CTNND2: variants seen among roughly 807,000 people sequenced by gnomAD.
The protein encoded by CTNND2 is catenin delta-2.
In CTNND2, 22 loss-of-function variants were observed where a neutral mutation model predicts 144.4. The ratio of observed to expected loss-of-function variants is 0.15; its 90% CI spans 0.11 to 0.22. The LOEUF (loss-of-function observed/expected upper bound fraction) is 0.22. Ranked by LOEUF, CTNND2 falls within the 10% of genes least tolerant of loss-of-function variation. The pLI is 1.00. For missense variants in CTNND2, 1,353 were observed against 1,618.8 expected (o/e 0.84, Z 2.82); for synonymous variants, 751 against 695.6 (o/e 1.08, Z -1.25).
chr5:11,593,819 C>T (rs1297002136), intron 2 of CTNND2, among the ~76,000 whole-genome samples: 6 of 152,202 alleles, frequency 3.9e-5, no homozygotes, highest in South Asian at 4.2e-4. Context: ...TGGACTAATA[C>T]GACAATCAAC....
intron 11 of CTNND2, among the ~76,000 whole-genome samples, chr5:11,187,489 A>T (rs775492736): frequency 2.4e-4 from 36 of 152,176 alleles, no homozygotes; most frequent in Non-Finnish European, 4.4e-4. Context: ...AAAACCCAAA[A>T]CTATAAAAAA....
chr5:11,724,054 CAAAA>C (rs34050641), intron 2 of CTNND2, among the ~76,000 whole-genome samples: 1 of 138,626 alleles, frequency 7.2e-6, no homozygotes, highest in East Asian at 2.1e-4. Context: ...GGCTTCATTT[CAAAA>C]AAAAAAAAAG....
intron 20 of CTNND2, among the ~76,000 whole-genome samples, chr5:10,985,047 C>T (rs1361009228): frequency 3.3e-5 from 5 of 151,762 alleles, no homozygotes; most frequent in African/African-American, 1.2e-4. Flanking sequence ...GCACTCCAGC[C>T]TGGGCGACAC....
chr5:11,588,961 C>T (rs1340581598), intron 2 of CTNND2: 6 of 985,122 alleles, frequency 6.1e-6, no homozygotes, highest in African/African-American at 1.7e-5. Context: ...AGAACAGCCT[C>T]GAAAAAGTCA....
chr5:11,410,217 C>T (rs894694574), intron 5 of CTNND2, among the ~76,000 whole-genome samples: 1 of 152,028 alleles, frequency 6.6e-6, no homozygotes, highest in South Asian at 2.1e-4. Flanking sequence ...TTTTTCAATA[C>T]AAAATACAGA....
chr5:11,287,774 C>T (rs931027535), intron 9 of CTNND2, among the ~76,000 whole-genome samples: 1 of 152,140 alleles, frequency 6.6e-6, no homozygotes, highest in Non-Finnish European at 1.5e-5. Context: ...AGTGAATATG[C>T]CTCCTTTTCT....
intron 14 of CTNND2, among the ~76,000 whole-genome samples, chr5:11,102,835 C>T (rs1752030428): frequency 6.6e-6 from 1 of 151,912 alleles, no homozygotes; most frequent in South Asian, 2.1e-4. Flanking sequence ...AAAAGGTCTG[C>T]TTAGGAAGGA....
In CTNND2 at chr5:11,564,954, T is replaced by TCATGCTGCC. The variant is rs1161798584; in HGVS notation, c.268_276dup (p.Gly90_Met92dup). 1 of 1,613,312 alleles carries TCATGCTGCC rather than the reference T, an allele frequency of 6.2e-7. No individual in the cohort carries two copies. Among genetic ancestry groups the TCATGCTGCC allele is most frequent in the Non-Finnish European group, 8.5e-7 (1 of 1,179,302 alleles). ...GAGCGGCGCTAGTACCTCATGCTGCTCATGCTGCCAGTCTCGGATCCGAGC... is the reference window on the plus strand; with the variant it reads ...GAGCGGCGCTAGTACCTCATGCTGCTCATGCTGCCCATGCTGCCAGTCTCGGATCCGAGC... On this transcript the variant is annotated inframe_insertion, in exon 3 of 22. Coordinates refer to ENST00000304623, the MANE Select transcript of CTNND2 (RefSeq NM_001332.4).
chr5:11,587,624 CAT>C (rs1417234740), intron 2 of CTNND2, among the ~76,000 whole-genome samples: 1 of 152,014 alleles, frequency 6.6e-6, no homozygotes, highest in Non-Finnish European at 1.5e-5. Flanking sequence ...ATTAATCAAA[CAT>C]AAGTTTTATC....
intron 1 of CTNND2, among the ~76,000 whole-genome samples, chr5:11,764,670 C>T (rs537403339): frequency 2.0e-5 from 3 of 152,158 alleles, no homozygotes; most frequent in Non-Finnish European, 4.4e-5. Flanking sequence ...GTGGTTTCTT[C>T]AACTTGTAAC....
At chr5:11,165,602 T>C (rs1759243373) in intron 11 of CTNND2, among the ~76,000 whole-genome samples, 1 of 152,206 alleles carries the variant, frequency 6.6e-6, no homozygotes, top group Admixed American at 6.5e-5. Context: ...TAGCTTTCCT[T>C]TATCAGTGTA....
At chr5:11,399,490 T>C (rs1760445088) in intron 5 of CTNND2, among the ~76,000 whole-genome samples, 2 of 152,234 alleles carry the variant, frequency 1.3e-5, no homozygotes, top group African/African-American at 2.4e-5. Flanking sequence ...TAACTTTGTA[T>C]ATTCTGAATA....
chr5:11,294,816 A>G (rs754520885), intron 9 of CTNND2, among the ~76,000 whole-genome samples: 18 of 152,216 alleles, frequency 1.2e-4, no homozygotes, highest in Non-Finnish European at 2.1e-4. Context: ...TAAAGTAGGT[A>G]CTGATGGACG....
chr5:11,223,713 G>A (rs546692954), intron 10 of CTNND2, among the ~76,000 whole-genome samples: 13 of 152,122 alleles, frequency 8.5e-5, no homozygotes, highest in Non-Finnish European at 1.3e-4. Flanking sequence ...CATCTGATGC[G>A]TCCCTGACAT....
At chr5:11,164,882 T>G (rs1405303984) in intron 11 of CTNND2, among the ~76,000 whole-genome samples, 2 of 152,120 alleles carry the variant, frequency 1.3e-5, no homozygotes, top group African/African-American at 4.8e-5. Flanking sequence ...GTCCCAGGCA[T>G]AAAATGAAAG....
intron 16 of CTNND2, among the ~76,000 whole-genome samples, chr5:11,048,661 T>C (rs545642488): frequency 7.2e-5 from 11 of 152,302 alleles, no homozygotes; most frequent in Non-Finnish European, 1.5e-4. Context: ...AAGCACAGAT[T>C]TGTAGAGGGT....
intron 3 of CTNND2, among the ~76,000 whole-genome samples, chr5:11,441,527 C>T (rs929078011): frequency 4.0e-5 from 6 of 151,380 alleles, no homozygotes; most frequent in African/African-American, 4.9e-5. Context: ...TACAGGCGCC[C>T]GCCACCATGC....
At chr5:11,603,069 A>G (rs950469257) in intron 2 of CTNND2, among the ~76,000 whole-genome samples, 1 of 152,136 alleles carries the variant, frequency 6.6e-6, no homozygotes, top group Non-Finnish European at 1.5e-5. Context: ...AACCTATTAG[A>G]AAGAGGCATT....
intron 19 of CTNND2, among the ~76,000 whole-genome samples, chr5:10,991,638 G>A (rs559471947): frequency 8.5e-5 from 13 of 152,080 alleles, no homozygotes; most frequent in Non-Finnish European, 1.0e-4. Flanking sequence ...GTATTTTTAC[G>A]AATACAAGAA....
Sources: allele counts gnomAD v4.1 joint callset (sites outside exome capture counted in the v4.1 genomes callset), GRCh38; gene constraint gnomAD v4.1.1; transcripts MANE v1.5; gene names NCBI Gene and HGNC (gene_info 2026-07-23, HGNC 2026-07-21).